The following MTFR1 variants were observed in gnomAD, a reference collection of about 807,000 sequenced individuals.
MTFR1 encodes chondrocyte protein with a poly-proline region.
In MTFR1, 28 loss-of-function variants were observed where a neutral mutation model predicts 38.8. That is an observed-to-expected ratio of 0.72 (90% confidence interval 0.53 to 0.99). MTFR1 has a LOEUF of 0.99. MTFR1 is among the 50% of genes least tolerant of loss of function. The probability of loss-of-function intolerance (pLI) is 0.00; values close to 1 mark genes in which losing one functional copy is unlikely to be tolerated. For synonymous variants in MTFR1, 145 were observed against 137.0 expected (o/e 1.06, Z -0.41); for missense variants, 358 against 395.5 (o/e 0.91, Z 0.81).
chr8:65,653,987 C>T (rs958224275), intron 1 of MTFR1, among the ~76,000 whole-genome samples: 2 of 148,934 alleles, frequency 1.3e-5, no homozygotes, highest in East Asian at 3.9e-4. Flanking sequence ...CACTTGAGCC[C>T]GGGAGCTTAG....
At chr8:65,677,582 G>A (rs918599955) in intron 2 of MTFR1, among the ~76,000 whole-genome samples, 3 of 149,952 alleles carry the variant, frequency 2.0e-5, no homozygotes, top group South Asian at 2.1e-4. Context: ...GGGTTTCACC[G>A]TGTTACCCAG....
chr8:65,761,170 A>G (rs2128914370), intron 3 of MTFR1, among the ~76,000 whole-genome samples: 1 of 151,980 alleles, frequency 6.6e-6, no homozygotes, highest in South Asian at 2.1e-4. Flanking sequence ...GATTCAAGCA[A>G]TTCTCCTGCC....
At chr8:65,656,943 C>G (rs1050834480) in intron 1 of MTFR1, among the ~76,000 whole-genome samples, 1 of 151,978 alleles carries the variant, frequency 6.6e-6, no homozygotes, top group East Asian at 1.9e-4. Flanking sequence ...ACCACACCTG[C>G]AGGACAGTAA....
intron 1 of MTFR1, among the ~76,000 whole-genome samples, chr8:65,650,040 C>T (rs902271673): frequency 6.0e-5 from 9 of 150,572 alleles, no homozygotes; most frequent in Admixed American, 4.7e-4. Context: ...GGTTTCACTA[C>T]GTTGGCCAGA....
chr8:65,724,045 A>G lies in MTFR1; in HGVS notation c.*48+4564A>G, dbSNP rs561104378. Among the ~76,000 whole-genome samples the G allele has an allele frequency of 3.9e-4, 59 of 152,342 alleles. 1 individual carries two copies. Among genetic ancestry groups the G allele is most frequent in the Non-Finnish European group, 7.9e-4 (54 of 68,004 alleles). ...AATCTATCTATACTCATAAATGCAT[A>G]AATACATCTGATCATTCCAAAAGAG... On this transcript the variant is annotated intron_variant, in intron 3 of 3. Coordinates refer to the MTFR1 transcript ENST00000521247.
chr8:65,683,289 G>T (rs1465462107), intron 3 of MTFR1, among the ~76,000 whole-genome samples: 1 of 151,708 alleles, frequency 6.6e-6, no homozygotes, highest in African/African-American at 2.4e-5. Context: ...ACACCACCAC[G>T]GCCAGCTAAT....
intron 3 of MTFR1, among the ~76,000 whole-genome samples, chr8:65,739,935 G>A (rs747533398): frequency 6.6e-6 from 1 of 152,128 alleles, no homozygotes; most frequent in African/African-American, 2.4e-5. Flanking sequence ...CTAACTCAGT[G>A]TGGCTGCACC....
chr8:65,726,328 T>G (rs929792527), intron 3 of MTFR1, among the ~76,000 whole-genome samples: 3 of 149,358 alleles, frequency 2.0e-5, no homozygotes, highest in Non-Finnish European at 4.5e-5. Context: ...AATAGCCCAT[T>G]TATTTTTTTT....
intron 4 of MTFR1, among the ~76,000 whole-genome samples, chr8:65,704,194 C>T (rs1223453298): frequency 6.6e-6 from 1 of 152,048 alleles, no homozygotes; most frequent in African/African-American, 2.4e-5. Context: ...ATTGTTTTGT[C>T]AAAGGTCCTA....
chr8:65,759,006 G>A (rs887983036), intron 3 of MTFR1, among the ~76,000 whole-genome samples: 5 of 152,098 alleles, frequency 3.3e-5, no homozygotes, highest in Admixed American at 2.6e-4. Flanking sequence ...CTGAGAGGGG[G>A]CAAAAGGAAC....
At chr8:65,727,417 C>T (rs190437709) in intron 3 of MTFR1, 17 of 1,436,022 alleles carry the variant, frequency 1.2e-5, no homozygotes, top group Admixed American at 1.1e-4. Flanking sequence ...TCCCCCTTCA[C>T]GTCATTCCTC....
At chr8:65,677,388 T>C (rs1397689526) in intron 2 of MTFR1, among the ~76,000 whole-genome samples, 2 of 147,874 alleles carry the variant, frequency 1.4e-5, no homozygotes, top group East Asian at 2.0e-4. Flanking sequence ...CTGTTTCTTT[T>C]TTTTTTTTTT....
At chr8:65,646,660 C>G (rs1317880935) in intron 1 of MTFR1, among the ~76,000 whole-genome samples, 1 of 152,036 alleles carries the variant, frequency 6.6e-6, no homozygotes, top group Non-Finnish European at 1.5e-5. Context: ...TTGAGACCAG[C>G]CTGGGCAATA....
At chr8:65,663,503 C>T (rs1804269634) in intron 1 of MTFR1, among the ~76,000 whole-genome samples, 1 of 141,382 alleles carries the variant, frequency 7.1e-6, no homozygotes, top group Admixed American at 7.6e-5. Flanking sequence ...TCCCCCTCTG[C>T]GAGAAACACC....
intron 1 of MTFR1, among the ~76,000 whole-genome samples, chr8:65,649,519 A>G (rs955813449): frequency 6.6e-6 from 1 of 152,062 alleles, no homozygotes; most frequent in African/African-American, 2.4e-5. Flanking sequence ...TGGGTACATA[A>G]TAGGTATATG....
At chr8:65,715,420 T>C (rs1323741555), downstream of MTFR1, among the ~76,000 whole-genome samples, 25 of 150,224 alleles carry the variant, frequency 1.7e-4, 2 homozygotes, top group Admixed American at 1.6e-3. Context: ...CTCTGTCACC[T>C]AGGCTGGAGT....
At chr8:65,687,876 A>T (rs1225791187) in intron 3 of MTFR1, among the ~76,000 whole-genome samples, 3 of 150,388 alleles carry the variant, frequency 2.0e-5, no homozygotes, top group Non-Finnish European at 4.4e-5. Flanking sequence ...AAGGCAGGTG[A>T]ATCACCTGAG....
chr8:65,661,625 T>C lies in MTFR1; in HGVS notation c.-80-8248T>C, dbSNP rs575811027. ...GCCTGGGTGACAGAGCGAGACTCTG[T>C]CTCAAAAATAAATACATAAATACAT... On this transcript the variant is annotated intron_variant, in intron 1 of 7. Transcript: ENST00000262146. 1.4e-4 allele frequency among the ~76,000 whole-genome samples: 22 copies of C among 152,214 alleles called. 1 individual carries two copies. Among genetic ancestry groups the C allele is most frequent in the Non-Finnish European group, 4.4e-5 (3 of 68,006 alleles).
Position 65,693,746 on chromosome 8 carries a change from TC to T in MTFR1, c.269del (p.Ser90Ter), listed in dbSNP as rs1477675097. The T allele has an allele frequency of 1.2e-6, 2 of 1,613,646 alleles. No homozygotes were observed. Among genetic ancestry groups the T allele is most frequent in the African/African-American group, 2.7e-5 (2 of 74,904 alleles). The part of the protein sequence containing the change: ...GWVAKEEGEC[S>X]ARLRTEVRSR... ...GGTAGCCAAAGAAGAAGGAGAGTGT[TC>T]AGCAAGACTAAGGTTAGTTTGGAAG... On this transcript the variant is annotated frameshift_variant, in exon 4 of 8. Coordinates refer to ENST00000262146, the MANE Select transcript of MTFR1 (RefSeq NM_014637.4). LOFTEE classifies it high-confidence loss of function.
Sources: gnomAD v4.1 joint callset for allele counts (sites outside exome capture counted in the v4.1 genomes callset) on GRCh38, gnomAD v4.1.1 for gene constraint, MANE v1.5 for transcripts, NCBI Gene and HGNC (gene_info 2026-07-23, HGNC 2026-07-21) for gene names.